Variants in ZNF718 observed in about 807,000 individuals in gnomAD.
ZNF718 encodes the protein zinc finger protein 718.
A neutral mutation model predicts 2.6 loss-of-function variants in ZNF718; 3 were observed. The ratio of observed to expected loss-of-function variants is 1.16; its 90% CI spans 0.53 to 3.01. ZNF718 has a LOEUF of 3.01. Among genes scored for constraint, ZNF718 ranks in the 30% most tolerant of loss-of-function variants. ZNF718 has a pLI of 0.03. For missense variants in ZNF718, 468 were observed against 230.0 expected (o/e 2.03, Z -6.69); for synonymous variants, 135 against 77.9 (o/e 1.73, Z -3.86).
chr4:187,009 G>A (rs545730475), intron 3 of ZNF718, among the ~76,000 whole-genome samples: 1 of 152,258 alleles, frequency 6.6e-6, no homozygotes, highest in African/African-American at 2.4e-5. Flanking sequence ...TTTTCATCAT[G>A]TTTGTGCCAC....
At chr4:177,964 CAG>C (rs1717383704) in intron 3 of ZNF718, among the ~76,000 whole-genome samples, 1 of 151,986 alleles carries the variant, frequency 6.6e-6, no homozygotes, top group South Asian at 2.1e-4. Context: ...CTAAATTGAG[CAG>C]AGAGGACGGG....
intron 3 of ZNF718, among the ~76,000 whole-genome samples, chr4:155,993 A>G (rs554886203): frequency 6.6e-6 from 1 of 152,268 alleles, no homozygotes; most frequent in East Asian, 1.9e-4. Flanking sequence ...GATGGTTTTT[A>G]TAAGAGGTTT....
rs1246590383 is a variant in ZNF718 at position 162,622 on chromosome 4, G to T, written c.*500G>T. 1 of 152,698 alleles carries T rather than the reference G, an allele frequency of 6.5e-6. No homozygotes were observed. Among genetic ancestry groups the T allele is most frequent in the East Asian group, 1.9e-4 (1 of 5,196 alleles). 9.5% of individuals were successfully genotyped at this position (152,698 alleles called of 1,614,324 possible). On this transcript the variant is annotated 3_prime_UTR_variant, in exon 4 of 4. Coordinates refer to ENST00000510175, the MANE Select transcript of ZNF718 (RefSeq NM_001039127.6). ...GATAGACAATAGAAATAGTAAGAGGGTTGTAGTACCTGTACTTGCATCATG... is the reference window on the plus strand; with the variant it reads ...GATAGACAATAGAAATAGTAAGAGGTTTGTAGTACCTGTACTTGCATCATG...
At chr4:193,553 T>C (rs1357571170) in intron 3 of ZNF718, among the ~76,000 whole-genome samples, 1 of 152,180 alleles carries the variant, frequency 6.6e-6, no homozygotes, top group African/African-American at 2.4e-5. Flanking sequence ...TAGAAAGGCA[T>C]GTGAAAAGAG....
At chr4:156,060 C>T (rs549434507) in intron 3 of ZNF718, among the ~76,000 whole-genome samples, 2 of 152,260 alleles carry the variant, frequency 1.3e-5, no homozygotes, top group East Asian at 3.9e-4. Context: ...ATGTGCCTTT[C>T]ACTTTGTACC....
chr4:200,426 G>C (rs1717875849), intron 3 of ZNF718, among the ~76,000 whole-genome samples: 1 of 152,068 alleles, frequency 6.6e-6, no homozygotes, highest in African/African-American at 2.4e-5. Context: ...GTGCCACCAT[G>C]TCCAGCTAAT....
intron 3 of ZNF718, among the ~76,000 whole-genome samples, chr4:189,132 C>T (rs899158968): frequency 6.8e-6 from 1 of 147,364 alleles, no homozygotes. Flanking sequence ...GCAATCTCGG[C>T]CCACTGCAAC....
At chr4:170,175 C>T in intron 3 of ZNF718, among the ~76,000 whole-genome samples, 1 of 152,082 alleles carries the variant, frequency 6.6e-6, no homozygotes, top group Non-Finnish European at 1.5e-5. Flanking sequence ...GAATATTGGC[C>T]CCCACTCTCT....
intron 3 of ZNF718, among the ~76,000 whole-genome samples, chr4:145,746 T>TC (rs1553811137): frequency 1.3e-5 from 2 of 152,156 alleles, no homozygotes; most frequent in Non-Finnish European, 1.5e-5. Flanking sequence ...GCATGAGACA[T>TC]CACACCCAGT....
chr4:149,542 C>G (rs1581443974), intron 3 of ZNF718, among the ~76,000 whole-genome samples: 1 of 152,036 alleles, frequency 6.6e-6, no homozygotes, highest in East Asian at 1.9e-4. Context: ...ATTTTCAAAT[C>G]TATACCTTTA....
At chr4:184,057 G>C (rs548891832) in intron 3 of ZNF718, among the ~76,000 whole-genome samples, 10 of 152,140 alleles carry the variant, frequency 6.6e-5, no homozygotes, top group Non-Finnish European at 1.2e-4. Context: ...GAATAAAAGT[G>C]GTGAGAGTGG....
rs1156454847 is a variant in ZNF718, at chr4:162,250, A to T, written c.*128A>T. 3 of 538,500 alleles carry T rather than the reference A, an allele frequency of 5.6e-6. No homozygotes were observed. In the East Asian group the frequency reaches 8.6e-5, roughly 15 times the overall value. The allele number at this position is 538,500 out of a possible 1,614,324, so 33.4% of individuals were successfully genotyped here. A position where few individuals can be genotyped will look rare whatever the true frequency, so the allele number is the denominator to read the frequency against. Reference sequence around the variant, plus strand: ...AACCGCAACTCAATCTGTTCTAAACATAAGAGAAATGGTATTGGTGAGAAG... The same window carrying T: ...AACCGCAACTCAATCTGTTCTAAACTTAAGAGAAATGGTATTGGTGAGAAG... On this transcript the variant is annotated 3_prime_UTR_variant, in exon 4 of 4. Coordinates refer to ENST00000510175, the MANE Select transcript of ZNF718 (RefSeq NM_001039127.6).
chr4:184,080 T>G (rs991572427), intron 3 of ZNF718, among the ~76,000 whole-genome samples: 1 of 152,202 alleles, frequency 6.6e-6, no homozygotes, highest in Non-Finnish European at 1.5e-5. Flanking sequence ...ATCCTTATCT[T>G]GTGCTGATTT....
intron 3 of ZNF718, among the ~76,000 whole-genome samples, chr4:196,015 T>C (rs1717784292): frequency 6.6e-6 from 1 of 152,018 alleles, no homozygotes; most frequent in South Asian, 2.1e-4. Flanking sequence ...CCTCTCTCTC[T>C]CTCCCCTCTC....
At chr4:168,065 G>T (rs1262966477), downstream of ZNF718, among the ~76,000 whole-genome samples, 1 of 152,130 alleles carries the variant, frequency 6.6e-6, no homozygotes, top group East Asian at 1.9e-4. Context: ...TATGAAGGTT[G>T]TTGAATGTTT....
At chr4:151,213 C>T (rs572655494) in intron 3 of ZNF718, among the ~76,000 whole-genome samples, 3 of 152,216 alleles carry the variant, frequency 2.0e-5, no homozygotes, top group African/African-American at 7.2e-5. Flanking sequence ...GGCAGTTCTC[C>T]TGCCTCAGCC....
chr4:186,507 T>C lies in ZNF718; in HGVS notation c.227-14574T>C, dbSNP rs538681046. 4.6e-5 allele frequency among the ~76,000 whole-genome samples: 7 copies of C among 152,300 alleles called. No individual in the cohort carries two copies. The South Asian group carries it at 1.5e-3, about 32-fold the overall frequency. ...GTATCTTACTGGGGTTCTCTGCATT[T>C]CCTGAATTTGAATGTTGGCCTGTCT... On this transcript the variant is annotated intron_variant and NMD_transcript_variant, in intron 3 of 4. Transcript: ENST00000642529.
chr4:187,123 T>A (rs1398812209), intron 3 of ZNF718, among the ~76,000 whole-genome samples: 1 of 152,218 alleles, frequency 6.6e-6, no homozygotes, highest in African/African-American at 2.4e-5. Context: ...TTTGTTTTTC[T>A]TTTAATCATC....
intron 3 of ZNF718, among the ~76,000 whole-genome samples, chr4:188,372 A>G (rs187386843): frequency 1.3e-5 from 2 of 152,332 alleles, no homozygotes. Flanking sequence ...TCCAAGCAGC[A>G]AAGATAGTGG....
Sources: gnomAD v4.1 joint callset for allele counts (sites outside exome capture counted in the v4.1 genomes callset) on GRCh38, gnomAD v4.1.1 for gene constraint, MANE v1.5 for transcripts, NCBI Gene and HGNC (gene_info 2026-07-23, HGNC 2026-07-21) for gene names.